Variants in DISP1 observed in about 807,000 individuals in gnomAD.
DISP1 encodes dispatched RND transporter family member 1.
A neutral mutation model predicts 37.3 loss-of-function variants in DISP1; 30 were observed. The observed-to-expected ratio is 0.80, with a 90% confidence interval of 0.60 to 1.09. The LOEUF (loss-of-function observed/expected upper bound fraction) is 1.09, where lower values mean the gene tolerates loss of function less well. Among genes scored for constraint, DISP1 ranks in the 50% least tolerant of loss-of-function variants. The pLI, the probability that DISP1 is intolerant of heterozygous loss-of-function variation, is 0.00. For missense variants in DISP1, 1,598 were observed against 1,879.5 expected (o/e 0.85, Z 2.77); for synonymous variants, 634 against 690.2 (o/e 0.92, Z 1.28).
chr1:222,961,023 G>A (rs375369389), intron 3 of DISP1, among the ~76,000 whole-genome samples: 2 of 152,026 alleles, frequency 1.3e-5, no homozygotes, highest in African/African-American at 2.4e-5. Context: ...ATTCACAGCC[G>A]AATTTTACCA....
intron 1 of DISP1, among the ~76,000 whole-genome samples, chr1:222,909,042 G>A (rs1002605608): frequency 6.6e-6 from 1 of 151,998 alleles, no homozygotes; most frequent in Non-Finnish European, 1.5e-5. Flanking sequence ...GGATGATGTG[G>A]GCTGCATGGG....
At chr1:222,844,851 A>G (rs1667813525) in intron 1 of DISP1, among the ~76,000 whole-genome samples, 1 of 152,038 alleles carries the variant, frequency 6.6e-6, no homozygotes, top group African/African-American at 2.4e-5. Context: ...ATTTAGAATA[A>G]CCCCCCAGCA....
rs1679595736 is a variant in DISP1 at position 223,003,073 on chromosome 1, A to G, written c.1676A>G (p.Asn559Ser). 1 of 1,613,954 alleles carries G rather than the reference A, an allele frequency of 6.2e-7. No individual in the cohort carries two copies. The highest frequency in any genetic ancestry group is 2.2e-5 in the East Asian group (1 of 44,864). ...CACTTCGAATTTTTTCCTTTTATGA[A>G]CCTCACTGCCCTCATTATTTTGGTT... ...VFHFEFFPFM[N>S]LTALIILVGI... Residue 559 changes from asparagine to serine, a missense_variant, in exon 9 of 9, where the codon AAC becomes AGC. Transcript: ENST00000675850. The surrounding 1 kb of genome is among the most constrained non-coding windows in gnomAD (Gnocchi z 4.3).
intron 3 of DISP1, among the ~76,000 whole-genome samples, chr1:222,965,488 C>T (rs562775425): frequency 6.0e-4 from 91 of 152,216 alleles, no homozygotes; most frequent in African/African-American, 2.0e-3. Context: ...GTCAGTGACT[C>T]CTTTGACAAA....
chr1:222,869,784 C>CT (rs543763658), intron 1 of DISP1, among the ~76,000 whole-genome samples: 6 of 151,740 alleles, frequency 4.0e-5, no homozygotes, highest in African/African-American at 9.7e-5. Context: ...CTTACCACCT[C>CT]TTTTTTTTAA....
At chr1:222,925,811 A>T (rs1185325483) in intron 1 of DISP1, among the ~76,000 whole-genome samples, 3 of 152,140 alleles carry the variant, frequency 2.0e-5, no homozygotes, top group Non-Finnish European at 2.9e-5. Flanking sequence ...GGGGGATGGG[A>T]CTCAGGAATC....
At chr1:222,965,812 G>A (rs1196449314) in intron 3 of DISP1, among the ~76,000 whole-genome samples, 1 of 151,936 alleles carries the variant, frequency 6.6e-6, no homozygotes, top group Non-Finnish European at 1.5e-5. Flanking sequence ...TTAGCCTTCA[G>A]GACAGCTTTA....
intron 4 of DISP1, among the ~76,000 whole-genome samples, chr1:222,987,502 A>T (rs1280713863): frequency 1.3e-5 from 2 of 152,236 alleles, no homozygotes; most frequent in Admixed American, 1.3e-4. Context: ...TGAAATCACT[A>T]ATGCCATAAA....
At chr1:222,824,209 T>TACCA (rs1353446352) in intron 1 of DISP1, among the ~76,000 whole-genome samples, 1 of 152,200 alleles carries the variant, frequency 6.6e-6, no homozygotes, top group Non-Finnish European at 1.5e-5. Flanking sequence ...GAGGAAAAGT[T>TACCA]ACCAGTAAAT....
At chr1:222,822,693 T>TG (rs1340960066) in intron 1 of DISP1, among the ~76,000 whole-genome samples, 1 of 152,252 alleles carries the variant, frequency 6.6e-6, no homozygotes, top group African/African-American at 2.4e-5. Flanking sequence ...TGATAAGTTT[T>TG]GGTAATCTAC....
At chr1:222,824,392 A>C (rs1002312313) in intron 1 of DISP1, among the ~76,000 whole-genome samples, 10 of 152,108 alleles carry the variant, frequency 6.6e-5, no homozygotes, top group Non-Finnish European at 1.3e-4. Context: ...AGCTTGTGCT[A>C]CCTGTAAATG....
rs71178508 is a variant in DISP1 at position 222,936,708 on chromosome 1, T to TATTATATATCATATATATGATATATAAAA, written c.-17-6060_-17-6032dup. 8.5e-4 allele frequency among the ~76,000 whole-genome samples: 82 copies of TATTATATATCATATATATGATATATAAAA among 96,202 alleles called. 6 individuals carry two copies. The highest frequency in any genetic ancestry group is 1.2e-3 in the East Asian group (5 of 4,024). The allele number at this position is 96,202 out of a possible 152,430, so 63.1% of individuals were successfully genotyped here. ...TAAAATATATGATATATATCATATATATTATATATCATATATATGATATAT... is the reference window on the plus strand; with the variant it reads ...TAAAATATATGATATATATCATATATATTATATATCATATATATGATATATAAAAATTATATATCATATATATGATATAT... On this transcript the variant is annotated intron_variant, in intron 2 of 8. Transcript: ENST00000675850.
At chr1:222,822,816 A>G (rs1663274941) in intron 1 of DISP1, among the ~76,000 whole-genome samples, 1 of 152,188 alleles carries the variant, frequency 6.6e-6, no homozygotes, top group Non-Finnish European at 1.5e-5. Flanking sequence ...CACCTTCTTA[A>G]AATCTCCTCC....
chr1:222,916,056 A>G (rs1359243280), intron 1 of DISP1, among the ~76,000 whole-genome samples: 1 of 152,142 alleles, frequency 6.6e-6, no homozygotes, highest in Non-Finnish European at 1.5e-5. Context: ...CACTTTAAAT[A>G]TTTACCCTCT....
At chr1:222,909,122 G>A (rs61840869) in intron 1 of DISP1, among the ~76,000 whole-genome samples, 15,478 of 151,988 alleles carry the variant, frequency 0.1, 870 homozygotes, top group Non-Finnish European at 0.12. Context: ...TTAGAATTCT[G>A]TAATTGTATC....
chr1:222,817,014 G>A (rs1661415689), intron 1 of DISP1, among the ~76,000 whole-genome samples: 2 of 152,238 alleles, frequency 1.3e-5, no homozygotes, highest in Non-Finnish European at 2.9e-5. Context: ...GGAAGTGCTC[G>A]TTGTTGAAAC....
chr1:222,862,913 T>A (rs1314804637), intron 1 of DISP1, among the ~76,000 whole-genome samples: 1 of 152,202 alleles, frequency 6.6e-6, no homozygotes, highest in Non-Finnish European at 1.5e-5. Flanking sequence ...TCATGTCTCT[T>A]TAGCCTTCTT....
intron 1 of DISP1, among the ~76,000 whole-genome samples, chr1:222,898,304 T>C (rs567980943): frequency 9.2e-5 from 14 of 152,268 alleles, no homozygotes; most frequent in African/African-American, 3.4e-4. Flanking sequence ...ACTGAGATCA[T>C]AGAGCCGATT....
At chr1:222,935,538 T>C (rs1400426630) in intron 2 of DISP1, among the ~76,000 whole-genome samples, 3 of 152,120 alleles carry the variant, frequency 2.0e-5, no homozygotes, top group Non-Finnish European at 2.9e-5. Context: ...GCCACCCCTG[T>C]TTTTCCAGAG....
Sources: allele counts gnomAD v4.1 joint callset (sites outside exome capture counted in the v4.1 genomes callset), GRCh38; gene constraint gnomAD v4.1.1; non-coding constraint Gnocchi (gnomAD v3.1); transcripts MANE v1.5; gene names NCBI Gene and HGNC (gene_info 2026-07-23, HGNC 2026-07-21).